The following TRAPPC9 variants were observed in gnomAD, a reference collection of about 807,000 sequenced individuals.
TRAPPC9 encodes trafficking protein particle complex subunit 9, also known as IKK2 binding protein.
A neutral mutation model predicts 124.0 loss-of-function variants in TRAPPC9; 83 were observed. The observed-to-expected ratio is 0.67, with a 90% confidence interval of 0.56 to 0.80. TRAPPC9 has a LOEUF of 0.80. TRAPPC9 is among the 30% of genes least tolerant of loss of function. The pLI is 0.00. For missense variants in TRAPPC9, 1,302 were observed against 1,508.3 expected (o/e 0.86, Z 2.27); for synonymous variants, 638 against 617.5 (o/e 1.03, Z -0.49).
rs73713134 is a variant in TRAPPC9 at position 140,451,460 on chromosome 8, G to A, written c.-10-77C>T. On this transcript the variant is annotated intron_variant, in intron 1 of 22. Transcript: ENST00000438773. ...GAGCCTACCCTGGGAGGCAGTGACT[G>A]TGACCTTCACTACCCAGAGGCAGGG... The A allele has an allele frequency of 0.08, 100,150 of 1,259,558 alleles. 4,417 individuals are homozygous for A. The highest frequency in any genetic ancestry group is 0.11 in the African/African-American group (7,418 of 68,014). The allele number at this position is 1,259,558 out of a possible 1,614,324, so 78.0% of individuals were successfully genotyped here. A position where few individuals can be genotyped will look rare whatever the true frequency, so the allele number is the denominator to read the frequency against.
chr8:139,952,668 C>T (rs530185317), intron 19 of TRAPPC9, among the ~76,000 whole-genome samples: 1 of 152,314 alleles, frequency 6.6e-6, no homozygotes, highest in African/African-American at 2.4e-5. Context: ...CAAGACAAGG[C>T]AGGTCGCCAG....
In TRAPPC9 at chr8:139,788,591, G is replaced by C. The variant is rs1042747522; in HGVS notation, c.3056-56389C>G. 6.6e-6 allele frequency among the ~76,000 whole-genome samples: 1 copy of C among 152,190 alleles called. No individual in the cohort carries two copies. Among genetic ancestry groups the C allele is most frequent in the Non-Finnish European group, 1.5e-5 (1 of 68,032 alleles). ...GCATGGAGGTCCGTGGCCACTCCAC[G>C]ACAGCCCATGAAGAACGGTACCCAC... is the stretch of plus-strand genomic sequence containing the variant. On this transcript the variant is annotated intron_variant, in intron 21 of 22. Coordinates refer to ENST00000438773, the MANE Select transcript of TRAPPC9 (RefSeq NM_001160372.4). The surrounding 1 kb of genome is among the most constrained non-coding windows in gnomAD (Gnocchi z 4.9).
intron 5 of TRAPPC9, among the ~76,000 whole-genome samples, chr8:140,416,402 C>A (rs1037167827): frequency 2.0e-5 from 3 of 151,978 alleles, no homozygotes; most frequent in Non-Finnish European, 2.9e-5. Context: ...AAAAATCTCC[C>A]AGAAAGAAAA....
intron 10 of TRAPPC9, among the ~76,000 whole-genome samples, chr8:140,303,159 AAAGCAAC>A (rs2066031100): frequency 6.6e-6 from 1 of 152,210 alleles, no homozygotes; most frequent in South Asian, 2.1e-4. Flanking sequence ...TAAACGTATC[AAAGCAAC>A]TCGAAGCTCA....
At chr8:139,779,747 T>A (rs1821659846) in intron 21 of TRAPPC9, among the ~76,000 whole-genome samples, 1 of 152,100 alleles carries the variant, frequency 6.6e-6, no homozygotes, top group South Asian at 2.1e-4. Context: ...TGTTCATAGA[T>A]GACATGGTTG....
chr8:140,247,236 A>C (rs1186704448), intron 16 of TRAPPC9, among the ~76,000 whole-genome samples: 1 of 152,240 alleles, frequency 6.6e-6, no homozygotes, highest in East Asian at 1.9e-4. Context: ...TAATTCTTCC[A>C]GTCTTGCGTG....
intron 19 of TRAPPC9, among the ~76,000 whole-genome samples, chr8:139,983,007 T>C (rs572776151): frequency 6.6e-6 from 1 of 152,316 alleles, no homozygotes; most frequent in Admixed American, 6.5e-5. Context: ...CCACAAAATC[T>C]ACATGCTGAA....
chr8:139,980,182 C>G (rs934384346), intron 19 of TRAPPC9, among the ~76,000 whole-genome samples: 1 of 152,308 alleles, frequency 6.6e-6, no homozygotes, highest in Non-Finnish European at 1.5e-5. Context: ...TCCCTGCAGC[C>G]GCCCCATAAC....
intron 8 of TRAPPC9, among the ~76,000 whole-genome samples, chr8:140,364,851 C>T (rs1426492667): frequency 6.6e-6 from 1 of 152,042 alleles, no homozygotes; most frequent in Non-Finnish European, 1.5e-5. Context: ...GGATTACAGG[C>T]ATGAGCCACC....
In TRAPPC9 at chr8:140,451,074, G is replaced by A. The variant is rs200067455; in HGVS notation, c.300C>T (p.His100=). ...KDWPQTFEKF[H]VQKEIYGSTL... ...TGGAGCCGTAGATCTCCTTCTGCAC[G>A]TGGAACTTCTCAAAGGTCTGTGGCC... is the stretch of plus-strand genomic sequence containing the variant. The change falls in exon 2 of 23, where the codon CAC becomes CAT. Residue 100 remains histidine, a synonymous_variant. Transcript: ENST00000438773. 4.3e-5 allele frequency: 69 copies of A among 1,614,022 alleles called. No homozygotes were observed. Among genetic ancestry groups the A allele is most frequent in the African/African-American group, 3.5e-4 (26 of 75,030 alleles).
chr8:140,298,107 G>A (rs535932838), intron 11 of TRAPPC9, among the ~76,000 whole-genome samples: 2 of 152,254 alleles, frequency 1.3e-5, no homozygotes, highest in African/African-American at 2.4e-5. Flanking sequence ...ACTAAATAAG[G>A]TAACATATGA....
intron 17 of TRAPPC9, among the ~76,000 whole-genome samples, chr8:140,073,676 T>G (rs961257601): frequency 6.6e-6 from 1 of 152,196 alleles, no homozygotes; most frequent in Non-Finnish European, 1.5e-5. Context: ...GTGTGTAGCT[T>G]TACCTTGAAA....
intron 11 of TRAPPC9, among the ~76,000 whole-genome samples, chr8:140,291,842 G>T (rs1236986741): frequency 1.3e-5 from 2 of 152,228 alleles, no homozygotes; most frequent in African/African-American, 4.8e-5. Flanking sequence ...CAGCCTCTGG[G>T]AGCTGAAAGC....
chr8:139,836,957 A>G (rs185617509), intron 21 of TRAPPC9, among the ~76,000 whole-genome samples: 177 of 79,564 alleles, frequency 2.2e-3, no homozygotes, highest in African/African-American at 0.011. Flanking sequence ...TTGTTAAAAA[A>G]GGAAATGACA....
At chr8:140,057,986 C>G (rs1177558490) in intron 17 of TRAPPC9, among the ~76,000 whole-genome samples, 3 of 152,206 alleles carry the variant, frequency 2.0e-5, no homozygotes, top group Non-Finnish European at 4.4e-5. Flanking sequence ...GCAGCATCCA[C>G]CCAGCAACGG....
rs555256984 is a variant in TRAPPC9 at position 139,729,885 on chromosome 8, G to A, written c.*1176C>T. 2.6e-5 allele frequency among the ~76,000 whole-genome samples: 4 copies of A among 152,300 alleles called. No homozygotes were observed. The highest frequency in any genetic ancestry group is 2.1e-4 in the South Asian group (1 of 4,828). Reference sequence around the variant, plus strand: ...TTTCAGTGCCCAACGGGCACCTGACGAGCCTGGTATCTGCTGGGGACCAAG... The same window carrying A: ...TTTCAGTGCCCAACGGGCACCTGACAAGCCTGGTATCTGCTGGGGACCAAG... On this transcript the variant is annotated 3_prime_UTR_variant, in exon 23 of 23. Coordinates refer to ENST00000438773, the MANE Select transcript of TRAPPC9 (RefSeq NM_001160372.4).
At chr8:140,259,379 A>T (rs2064346936) in intron 15 of TRAPPC9, among the ~76,000 whole-genome samples, 1 of 152,038 alleles carries the variant, frequency 6.6e-6, no homozygotes, top group Non-Finnish European at 1.5e-5. Flanking sequence ...ACGGTCAAAA[A>T]CGGAAGGCAG....
chr8:140,353,100 TG>T lies in TRAPPC9; in HGVS notation c.1495+6949del, dbSNP rs1332405716. ...TACCCAGAGGCCTCCAGAAAGACAC[TG>T]GACCACAGTAGAAGAGGTAAACCAA... On this transcript the variant is annotated intron_variant, in intron 9 of 22. Coordinates refer to ENST00000438773, the MANE Select transcript of TRAPPC9 (RefSeq NM_001160372.4). This position sits in a 1 kb window ranked among gnomAD's most constrained non-coding sequence, Gnocchi z 4.2. 1.3e-5 allele frequency among the ~76,000 whole-genome samples: 2 copies of T among 152,066 alleles called. No homozygotes were observed. The highest frequency in any genetic ancestry group is 2.9e-5 in the Non-Finnish European group (2 of 68,010).
At chr8:140,246,079 A>G (rs146730209) in intron 16 of TRAPPC9, among the ~76,000 whole-genome samples, 2 of 152,330 alleles carry the variant, frequency 1.3e-5, no homozygotes, top group African/African-American at 4.8e-5. Flanking sequence ...TCAAAATGAT[A>G]AATCACTTCC....
Sources: allele counts gnomAD v4.1 joint callset (sites outside exome capture counted in the v4.1 genomes callset), GRCh38; gene constraint gnomAD v4.1.1; non-coding constraint Gnocchi (gnomAD v3.1); transcripts MANE v1.5; gene names NCBI Gene and HGNC (gene_info 2026-07-23, HGNC 2026-07-21).